ROBO1: variants seen among roughly 807,000 people sequenced by gnomAD.
ROBO1 encodes roundabout guidance receptor 1, also known as roundabout homolog 1.
Under a neutral mutation model 195.9 loss-of-function variants are expected in ROBO1, and 149 were observed. The ratio of observed to expected loss-of-function variants is 0.76; its 90% confidence interval spans 0.67 to 0.87. The LOEUF is 0.87. Ranked by LOEUF, ROBO1 falls within the 40% of genes least tolerant of loss-of-function variation. The pLI is 0.00. For missense variants in ROBO1, 1,933 were observed against 2,068.3 expected (o/e 0.93, Z 1.27); for synonymous variants, 816 against 733.2 (o/e 1.11, Z -1.82).
chr3:78,629,089 A>G (rs1705008262), intron 25 of ROBO1, among the ~76,000 whole-genome samples: 2 of 152,172 alleles, frequency 1.3e-5, no homozygotes, highest in African/African-American at 2.4e-5. Context: ...TTGCTGTCTC[A>G]GCTTCGTCTC....
intron 4 of ROBO1, among the ~76,000 whole-genome samples, chr3:78,840,629 A>G (rs1302639371): frequency 6.6e-6 from 1 of 152,174 alleles, no homozygotes; most frequent in African/African-American, 2.4e-5. Context: ...ATCAAACCTC[A>G]ATCCTTTCAG....
At chr3:79,125,794 C>T (rs1291936107) in intron 2 of ROBO1, among the ~76,000 whole-genome samples, 2 of 152,202 alleles carry the variant, frequency 1.3e-5, no homozygotes, top group Non-Finnish European at 2.9e-5. Context: ...ACCTTTGCTA[C>T]ACTTCAAAGC....
intron 2 of ROBO1, among the ~76,000 whole-genome samples, chr3:79,363,829 A>G (rs1335625963): frequency 6.6e-6 from 1 of 152,204 alleles, no homozygotes; most frequent in Non-Finnish European, 1.5e-5. Flanking sequence ...CAAGTTTATG[A>G]TAATAAGAAA....
At chr3:79,027,701 A>C (rs1382448228) in intron 3 of ROBO1, among the ~76,000 whole-genome samples, 1 of 152,074 alleles carries the variant, frequency 6.6e-6, no homozygotes, top group Admixed American at 6.5e-5. Flanking sequence ...TTCCAAAAGA[A>C]ATCATCCAAT....
intron 3 of ROBO1, among the ~76,000 whole-genome samples, chr3:79,114,671 G>A (rs2079957632): frequency 6.6e-6 from 1 of 152,126 alleles, no homozygotes; most frequent in African/African-American, 2.4e-5. Context: ...TGAATTTTGT[G>A]GGGTCTAGTC....
intron 1 of ROBO1, among the ~76,000 whole-genome samples, chr3:79,754,979 C>T (rs1704312585): frequency 6.6e-6 from 1 of 152,104 alleles, no homozygotes; most frequent in Non-Finnish European, 1.5e-5. Context: ...CTCCCAGGTT[C>T]AATCTATTCT....
chr3:78,728,713 T>A (rs2108169701), intron 5 of ROBO1, among the ~76,000 whole-genome samples: 1 of 152,304 alleles, frequency 6.6e-6, no homozygotes, highest in Non-Finnish European at 1.5e-5. Flanking sequence ...ATTCTAAAAA[T>A]TCCTGGTGAC....
intron 2 of ROBO1, among the ~76,000 whole-genome samples, chr3:79,385,519 T>C (rs957187564): frequency 1.3e-5 from 2 of 152,132 alleles, no homozygotes; most frequent in Non-Finnish European, 2.9e-5. Flanking sequence ...TGTGTTATCT[T>C]TCCGCAAGAC....
At chr3:79,602,837 G>A (rs1424731899) in intron 1 of ROBO1, among the ~76,000 whole-genome samples, 1 of 151,916 alleles carries the variant, frequency 6.6e-6, no homozygotes, top group Non-Finnish European at 1.5e-5. Context: ...CAGGCAGTTT[G>A]CTTTCTTTGG....
chr3:79,550,997 CCTCTTG>C (rs1942489281), intron 2 of ROBO1, among the ~76,000 whole-genome samples: 1 of 152,010 alleles, frequency 6.6e-6, no homozygotes. Flanking sequence ...AGTTTGATCC[CCTCTTG>C]CTCTTGCTCA....
intron 2 of ROBO1, among the ~76,000 whole-genome samples, chr3:79,254,403 C>G (rs1256696868): frequency 6.6e-6 from 1 of 151,730 alleles, no homozygotes; most frequent in Non-Finnish European, 1.5e-5. Flanking sequence ...CTTTTTAATT[C>G]CTCCAATTCT....
intron 8 of ROBO1, among the ~76,000 whole-genome samples, chr3:78,710,438 T>G (rs538657897): frequency 6.6e-6 from 1 of 152,334 alleles, no homozygotes; most frequent in East Asian, 1.9e-4. Context: ...GAAGAGCCAC[T>G]GATCTAGAAT....
chr3:79,704,015 C>A (rs1334883533), intron 1 of ROBO1, among the ~76,000 whole-genome samples: 1 of 151,908 alleles, frequency 6.6e-6, no homozygotes, highest in Non-Finnish European at 1.5e-5. Flanking sequence ...TTCCATACTA[C>A]AGTTAAGGTG....
intron 4 of ROBO1, among the ~76,000 whole-genome samples, chr3:78,866,670 C>T (rs2035202160): frequency 6.6e-6 from 1 of 152,144 alleles, no homozygotes; most frequent in Admixed American, 6.5e-5. Context: ...AATCTCTGAA[C>T]TCTTATATTG....
chr3:79,097,446 A>T (rs2079591290), intron 3 of ROBO1, among the ~76,000 whole-genome samples: 1 of 151,796 alleles, frequency 6.6e-6, no homozygotes, highest in South Asian at 2.1e-4. Context: ...TCATGTGTTC[A>T]TTGAAAACAA....
chr3:79,233,823 C>A (rs1163980985), intron 2 of ROBO1, among the ~76,000 whole-genome samples: 1 of 152,052 alleles, frequency 6.6e-6, no homozygotes, highest in African/African-American at 2.4e-5. Flanking sequence ...TATATGTTCC[C>A]TTTTCTCTGC....
chr3:78,711,600 C>G (rs1322276199), intron 8 of ROBO1, among the ~76,000 whole-genome samples: 2 of 150,802 alleles, frequency 1.3e-5, no homozygotes, highest in Non-Finnish European at 2.9e-5. Context: ...ATTCTCCTGC[C>G]TCAGCCTCCA....
At chr3:78,825,973 A>G (rs1029450903) in intron 4 of ROBO1, among the ~76,000 whole-genome samples, 1 of 152,180 alleles carries the variant, frequency 6.6e-6, no homozygotes, top group African/African-American at 2.4e-5. Context: ...TACATTCAAA[A>G]CATAATGCCT....
chr3:79,035,079 A>G, intron 3 of ROBO1, among the ~76,000 whole-genome samples: 2 of 152,282 alleles, frequency 1.3e-5, no homozygotes, highest in Middle Eastern at 6.8e-3. Context: ...CAAAATAGCA[A>G]TCGTTGGTAT....
Sources: gnomAD v4.1 joint callset for allele counts (sites outside exome capture counted in the v4.1 genomes callset) on GRCh38, gnomAD v4.1.1 for gene constraint, MANE v1.5 for transcripts, NCBI Gene and HGNC (gene_info 2026-07-23, HGNC 2026-07-21) for gene names.